The following PABPC4 variants were observed in gnomAD, a reference collection of about 807,000 sequenced individuals.
PABPC4 encodes the protein polyadenylate-binding protein 4.
Under a neutral mutation model 74.5 loss-of-function variants are expected in PABPC4, and 15 were observed. The ratio of observed to expected loss-of-function variants is 0.20; its 90% CI spans 0.13 to 0.31. The LOEUF is 0.31. Among genes scored for constraint, PABPC4 ranks in the 10% least tolerant of loss-of-function variants. The probability of loss-of-function intolerance (pLI) is 1.00; values close to 1 mark genes in which losing one functional copy is unlikely to be tolerated. For missense variants in PABPC4, 610 were observed against 853.5 expected, an observed-to-expected ratio of 0.71 and a Z score of 3.55; for synonymous variants, 345 against 303.0, an observed-to-expected ratio of 1.14 and a Z score of -1.44.
At chr1:39,567,577 G>A (rs1021325164) in intron 7 of PABPC4, 174 bp downstream of exon 7, 1 of 697,436 alleles carries the variant, frequency 1.4e-6, no homozygotes, top group East Asian at 2.7e-5. Flanking sequence ...ACAGTGTAAT[G>A]TTAACCTAAT....
chr1:39,562,627 T>A (rs1328209835), intron 12 of PABPC4: 5 of 455,226 alleles, frequency 1.1e-5, no homozygotes, highest in Admixed American at 7.7e-5. Context: ...CCAATTACAA[T>A]GAAAATGGCA....
chr1:39,575,207 T>C (rs560492922), intron 1 of PABPC4, among the ~76,000 whole-genome samples: 1 of 152,328 alleles, frequency 6.6e-6, no homozygotes, highest in East Asian at 1.9e-4. Flanking sequence ...GCAGCTTTTG[T>C]GGCACTAACC....
At chr1:39,567,424 T>A (rs1234888129) in intron 7 of PABPC4, 1 of 533,458 alleles carries the variant, frequency 1.9e-6, no homozygotes, top group Non-Finnish European at 3.7e-6. Context: ...GAAAACAACC[T>A]GTCTGGATTT....
intron 10 of PABPC4, 188 bp from the exon 11 acceptor site, chr1:39,564,110 T>C (rs1311606671): frequency 1.1e-5 from 7 of 623,168 alleles, no homozygotes; most frequent in Non-Finnish European, 2.0e-5. Flanking sequence ...ACATATTCTG[T>C]ATACACTGTT....
Position 39,562,407 on chromosome 1 carries a change from G to A in PABPC4, c.1678C>T (p.Pro560Ser), listed in dbSNP as rs777556247. 2.5e-6 allele frequency: 4 copies of A among 1,613,190 alleles called. No individual in the cohort carries two copies. The highest frequency in any genetic ancestry group is 1.7e-6 in the Non-Finnish European group (2 of 1,179,664). Residue 560 changes from proline to serine, a missense_variant, in exon 13 of 16, where the codon CCT (proline) becomes TCT (serine). Around this residue, in one of 4 missense-constraint regions of PABPC4, gnomAD observed 277 missense variants for 301.8 expected, o/e 0.92. Transcript: ENST00000372858. Reference sequence around the variant, plus strand: ...TCCTGCCCCTGCACATGGACCGCAGGCTGGGGTGCCTGGGAACCAGGAAAG... The same window carrying A: ...TCCTGCCCCTGCACATGGACCGCAGACTGGGGTGCCTGGGAACCAGGAAAG... The part of the protein sequence containing the change: ...PAIQPLQAPQ[P>S]AVHVQGQEPL...
At chr1:39,568,751 C>T in intron 6 of PABPC4, 51 bp downstream of exon 6, 1 of 1,574,870 alleles carries the variant, frequency 6.3e-7, no homozygotes, top group Non-Finnish European at 8.7e-7. Flanking sequence ...GGGTGTTCTG[C>T]AAATATTTCA....
chr1:39,562,347 G>C lies in PABPC4; in HGVS notation c.1738C>G (p.Pro580Ala), dbSNP rs758962869. The change falls in exon 13 of 16, where the codon CCC becomes GCC. Residue 580 changes from proline (P) to alanine (A), a missense_variant. This residue lies in a region of PABPC4 where 277 missense variants were observed against 301.8 expected (regional missense o/e 0.92). Coordinates refer to ENST00000372858, the MANE Select transcript of PABPC4 (RefSeq NM_001135653.2). The stretch of plus-strand genomic sequence containing the variant: ...CCCAGCATCTGCTTCTGTTCCTGGG[G>C]GGGTGCTGCAGCCAGCATGGAGGCA... ...LTASMLAAAPPQEQKQMLGER... is the reference protein window; with the variant it reads ...LTASMLAAAPAQEQKQMLGER... The C allele has an allele frequency of 3.1e-6, 5 of 1,614,118 alleles. No homozygotes were observed. In the South Asian group the frequency reaches 4.4e-5, roughly 14 times the overall value.
At chr1:39,574,883 T>A (rs926610478) in intron 1 of PABPC4, among the ~76,000 whole-genome samples, 1 of 152,252 alleles carries the variant, frequency 6.6e-6, no homozygotes, top group Non-Finnish European at 1.5e-5. Flanking sequence ...CCTCTCTCCA[T>A]GCTCCACGCT....
chr1:39,566,585 A>G (rs1255992199), intron 7 of PABPC4, among the ~76,000 whole-genome samples: 1 of 152,194 alleles, frequency 6.6e-6, no homozygotes, highest in Non-Finnish European at 1.5e-5. Context: ...TGTCTTAGTT[A>G]ATGGCCCAGA....
intron 2 of PABPC4, 88 bp downstream of exon 2, chr1:39,572,305 C>T: frequency 6.8e-6 from 7 of 1,023,902 alleles, no homozygotes; most frequent in Non-Finnish European, 8.6e-6. Context: ...TCTTGTTCCC[C>T]AATTCCAAGA....
intron 12 of PABPC4, 93 bp from the exon 13 acceptor site, chr1:39,562,509 T>C (rs1557712854): frequency 4.6e-6 from 4 of 870,726 alleles, no homozygotes; most frequent in Middle Eastern, 2.3e-4. Context: ...CATCTGACTA[T>C]GTGAAAGAGG....
At chr1:39,569,808 G>A in intron 4 of PABPC4, 55 bp downstream of exon 4, 4 of 1,600,064 alleles carry the variant, frequency 2.5e-6, no homozygotes, top group Non-Finnish European at 3.4e-6. Context: ...CATCTCTTAA[G>A]AAAAAACAGA....
rs150137144 is a variant in PABPC4 at position 39,571,302 on chromosome 1, G to A, written c.435C>T (p.Phe145=). 12 of 1,614,024 alleles carry A rather than the reference G, an allele frequency of 7.4e-6. No homozygotes were observed. The highest frequency in any genetic ancestry group is 3.3e-5 in the Admixed American group (2 of 59,960). ...NGSKGYAFVH[F]ETQEAADKAI... ...CCTTGTCGGCAGCCTCTTGGGTCTCGAAGTGGACAAAGGCATAACCCTTAG... is the reference window on the plus strand; with the variant it reads ...CCTTGTCGGCAGCCTCTTGGGTCTCAAAGTGGACAAAGGCATAACCCTTAG... The change falls in exon 3 of 16, where the codon TTC becomes TTT. Residue 145 remains phenylalanine, a synonymous_variant. Transcript: ENST00000372858.
Position 39,575,755 on chromosome 1 carries a change from T to C in PABPC4, c.193+4A>G. The C allele has an allele frequency of 1.3e-6, 2 of 1,586,952 alleles. No homozygotes were observed. Among genetic ancestry groups the C allele is most frequent in the African/African-American group, 1.4e-5 (1 of 73,146 alleles). ...ACGCACGTGTGGGCACAGCTTCTAC[T>C]CACCGTCGGCCGGCTGCTGGAAGTT... On this transcript the variant is annotated splice_donor_region_variant and intron_variant, in intron 1 of 15. Coordinates refer to ENST00000372858, the MANE Select transcript of PABPC4 (RefSeq NM_001135653.2).
rs1016144807 is a variant in PABPC4, at chr1:39,561,250, A to G, written c.*14-128T>C. On this transcript the variant is annotated intron_variant, in intron 15 of 15. Coordinates refer to ENST00000372858, the MANE Select transcript of PABPC4 (RefSeq NM_001135653.2). ...CCTCAGTGCTATTGACACTTTGGAC[A>G]TTCTGTTGGGTCTGTCCTCCTGTGT... 34 of 418,582 alleles carry G rather than the reference A, an allele frequency of 8.1e-5. No individual in the cohort carries two copies. In the East Asian group the frequency reaches 2.4e-3, roughly 30 times the overall value. 25.9% of individuals were successfully genotyped at this position (418,582 alleles called of 1,614,324 possible).
chr1:39,566,477 C>T (rs765780218), intron 7 of PABPC4, among the ~76,000 whole-genome samples: 1 of 152,192 alleles, frequency 6.6e-6, no homozygotes, highest in Admixed American at 6.5e-5. Flanking sequence ...CTGGTTCAGG[C>T]AGTCTTTTCC....
chr1:39,566,529 G>T (rs923378541), intron 7 of PABPC4, among the ~76,000 whole-genome samples: 6 of 152,196 alleles, frequency 3.9e-5, no homozygotes, highest in African/African-American at 1.4e-4. Flanking sequence ...CTTCCTAATA[G>T]ACAAGGTTAT....
intron 12 of PABPC4, 55 bp from the exon 13 acceptor site, chr1:39,562,471 G>A: frequency 8.0e-7 from 1 of 1,248,188 alleles, no homozygotes; most frequent in Non-Finnish European, 1.2e-6. Context: ...ACACCTGATG[G>A]TGGTTGAGTG....
At chr1:39,562,670 T>A (rs1193728973) in intron 12 of PABPC4, 1 of 423,270 alleles carries the variant, frequency 2.4e-6, no homozygotes, top group Non-Finnish European at 4.2e-6. Context: ...ACGTAAATAA[T>A]AAAACAAACC....
Sources: allele counts gnomAD v4.1 joint callset (sites outside exome capture counted in the v4.1 genomes callset), GRCh38; gene constraint gnomAD v4.1.1; regional missense constraint gnomAD v4.1.1; transcripts MANE v1.5; gene names NCBI Gene and HGNC (gene_info 2026-07-23, HGNC 2026-07-21).